CELF2: variants seen among roughly 807,000 people sequenced by gnomAD.
CELF2 encodes the protein CUG triplet repeat RNA-binding protein 2.
CELF2 carries 8 observed loss-of-function variants against 62.6 expected under a neutral mutation model. The ratio of observed to expected loss-of-function variants is 0.13; its 90% CI spans 0.07 to 0.23. The LOEUF (loss-of-function observed/expected upper bound fraction) is 0.23. Among genes scored for constraint, CELF2 ranks in the 10% least tolerant of loss-of-function variants. The pLI is 1.00. For synonymous variants in CELF2, 258 were observed against 250.0 expected (o/e 1.03, Z -0.30); for missense variants, 333 against 671.0 (o/e 0.50, Z 5.56).
At chr10:11,059,467 GAA>G (rs2066181542) in intron 1 of CELF2, among the ~76,000 whole-genome samples, 1 of 152,164 alleles carries the variant, frequency 6.6e-6, no homozygotes, top group Non-Finnish European at 1.5e-5. Context: ...TCACCATGAG[GAA>G]AGTGTTTTGT....
intron 1 of CELF2, among the ~76,000 whole-genome samples, chr10:10,913,594 T>C (rs941598054): frequency 3.4e-5 from 5 of 148,602 alleles, no homozygotes; most frequent in African/African-American, 5.0e-5. Flanking sequence ...TTTCACCATG[T>C]TGCCCAGGCT....
chr10:11,323,513 G>GT (rs2095562308), intron 11 of CELF2, among the ~76,000 whole-genome samples: 1 of 151,846 alleles, frequency 6.6e-6, no homozygotes. Flanking sequence ...GCGAGACCTG[G>GT]TGTGTTTTTT....
chr10:10,742,186 C>T, the CELF2 span, among the ~76,000 whole-genome samples: 1 of 151,942 alleles, frequency 6.6e-6, no homozygotes, highest in African/African-American at 2.4e-5. Context: ...AATGTCATTT[C>T]ATTATACTGT....
intron 5 of CELF2, among the ~76,000 whole-genome samples, chr10:11,266,036 C>G (rs950725703): frequency 2.6e-5 from 4 of 152,090 alleles, no homozygotes; most frequent in African/African-American, 9.7e-5. Context: ...TGCATAGCAA[C>G]AATTTATGTT....
In CELF2 at chr10:10,984,481, G is replaced by A. The variant is rs145594947; in HGVS notation, c.89+64482G>A. On this transcript the variant is annotated intron_variant, in intron 2 of 13. Coordinates refer to the CELF2 transcript ENST00000636488. The stretch of plus-strand genomic sequence containing the variant: ...TGTGGACATAAGCCTGGCGCCGTTT[G>A]ATTCTGACTCTAATGATATTTAATT... Among the ~76,000 whole-genome samples the A allele has an allele frequency of 7.8e-4, 119 of 152,314 alleles. 2 individuals carry two copies. Among genetic ancestry groups the A allele is most frequent in the Non-Finnish European group, 1.5e-3 (100 of 68,032 alleles).
chr10:11,040,457 T>A (rs1432879731), intron 1 of CELF2, among the ~76,000 whole-genome samples: 1 of 152,188 alleles, frequency 6.6e-6, no homozygotes, highest in Non-Finnish European at 1.5e-5. Flanking sequence ...TGTACAGAAT[T>A]TTAATTATGG....
chr10:10,952,461 A>T (rs201072), intron 2 of CELF2, among the ~76,000 whole-genome samples: 2 of 152,108 alleles, frequency 1.3e-5, no homozygotes, highest in East Asian at 3.9e-4. Flanking sequence ...ACAGTGAGCG[A>T]GCAAGGAAGT....
At chr10:10,872,477 C>A (rs890247503) in intron 1 of CELF2, among the ~76,000 whole-genome samples, 2 of 152,012 alleles carry the variant, frequency 1.3e-5, no homozygotes, top group African/African-American at 4.8e-5. Context: ...AAAAACATTC[C>A]GAATGATGAT....
the CELF2 span, among the ~76,000 whole-genome samples, chr10:10,610,408 T>C: frequency 6.6e-6 from 1 of 152,218 alleles, no homozygotes; most frequent in Admixed American, 6.5e-5. Flanking sequence ...TTTTAGAACA[T>C]GTGTGAATAT....
chr10:10,792,071 A>AGGAGGGAGGGAG, the CELF2 span, among the ~76,000 whole-genome samples: 1 of 140,238 alleles, frequency 7.1e-6, no homozygotes. Context: ...GGAGGGAGGA[A>AGGAGGGAGGGAG]GGAGGAAAGG....
At chr10:10,494,965 C>T in the CELF2 span, among the ~76,000 whole-genome samples, 50 of 152,122 alleles carry the variant, frequency 3.3e-4, no homozygotes, top group African/African-American at 1.2e-3. Context: ...TGAAAGTCCA[C>T]TGTGTCCCAT....
At chr10:10,696,478 G>C in the CELF2 span, among the ~76,000 whole-genome samples, 2 of 151,880 alleles carry the variant, frequency 1.3e-5, no homozygotes, top group Non-Finnish European at 2.9e-5. Context: ...CCTGCCCCCA[G>C]AGGTGGAGCC....
In CELF2 at chr10:11,093,450, G is replaced by C. The variant is rs768100797; in HGVS notation, c.75-72036G>C. Reference sequence around the variant, plus strand: ...AGTCAATCTGTGGCATGCAAACTAGGGATGTGGAGAAGGATGGAAAAGAGG... The same window carrying C: ...AGTCAATCTGTGGCATGCAAACTAGCGATGTGGAGAAGGATGGAAAAGAGG... On this transcript the variant is annotated intron_variant, in intron 1 of 12. Transcript: ENST00000633077. Among the ~76,000 whole-genome samples the C allele has an allele frequency of 8.5e-4, 129 of 152,192 alleles. 1 individual carries two copies. Among genetic ancestry groups the C allele is most frequent in the Non-Finnish European group, 1.4e-3 (98 of 67,996 alleles).
At chr10:10,836,420 T>C (rs1447267443) in intron 1 of CELF2, among the ~76,000 whole-genome samples, 1 of 152,094 alleles carries the variant, frequency 6.6e-6, no homozygotes, top group Admixed American at 6.5e-5. Context: ...GAGATAAAAC[T>C]ACAAGTGTGT....
chr10:10,666,948 C>A, the CELF2 span, among the ~76,000 whole-genome samples: 4 of 151,760 alleles, frequency 2.6e-5, 1 homozygote, highest in Admixed American at 2.6e-4. Context: ...GTTTTGCACA[C>A]ACATTCACAC....
intron 1 of CELF2, among the ~76,000 whole-genome samples, chr10:11,057,733 G>A (rs1358398290): frequency 6.6e-6 from 1 of 152,046 alleles, no homozygotes; most frequent in Non-Finnish European, 1.5e-5. Flanking sequence ...TTATGACTTC[G>A]GGAATACAGG....
chr10:10,849,469 C>T (rs1006804517), intron 1 of CELF2, among the ~76,000 whole-genome samples: 13 of 152,016 alleles, frequency 8.6e-5, no homozygotes, highest in Non-Finnish European at 1.9e-4. Context: ...ACTCTTTCCC[C>T]AGATTTCCTG....
chr10:10,731,876 A>C, the CELF2 span, among the ~76,000 whole-genome samples: 1 of 152,126 alleles, frequency 6.6e-6, no homozygotes, highest in Non-Finnish European at 1.5e-5. Flanking sequence ...AAGCAAAGTG[A>C]GGAGGCCATA....
intron 2 of CELF2, among the ~76,000 whole-genome samples, chr10:10,945,777 G>C (rs528971536): frequency 6.6e-5 from 10 of 152,326 alleles, no homozygotes; most frequent in Admixed American, 6.5e-4. Flanking sequence ...TCAACAGCGA[G>C]GGCCCCTCAG....
Sources: gnomAD v4.1 joint callset for allele counts (sites outside exome capture counted in the v4.1 genomes callset) on GRCh38, gnomAD v4.1.1 for gene constraint, MANE v1.5 for transcripts, NCBI Gene and HGNC (gene_info 2026-07-23, HGNC 2026-07-21) for gene names.